The following PADI3 variants were observed in gnomAD, a reference collection of about 807,000 sequenced individuals.
The protein encoded by PADI3 is peptidyl arginine deiminase 3.
Under a neutral mutation model 71.5 loss-of-function variants are expected in PADI3, and 53 were observed. That is an observed-to-expected ratio of 0.74 (90% CI 0.59 to 0.93). The LOEUF (loss-of-function observed/expected upper bound fraction) is 0.93, where lower values mean the gene tolerates loss of function less well. Ranked by LOEUF, PADI3 falls within the 40% of genes least tolerant of loss-of-function variation. The pLI is 0.00. For synonymous variants in PADI3, 361 were observed against 347.5 expected (o/e 1.04, Z -0.43); for missense variants, 821 against 868.0 (o/e 0.95, Z 0.68).
chr1:17,271,059 G>C lies in PADI3; in HGVS notation c.936-8G>C. ...TCCTGAGCCCCTCTTCCCTGGGCTT[G>C]TCCGTAGTGTGAGGAACAACACGTG... On this transcript the variant is annotated splice_polypyrimidine_tract_variant and splice_region_variant and intron_variant, in intron 8 of 15. Transcript: ENST00000375460. 2 of 1,614,072 alleles carry C rather than the reference G, an allele frequency of 1.2e-6. No homozygotes were observed. The highest frequency in any genetic ancestry group is 1.7e-4 in the Middle Eastern group (1 of 6,060).
rs569475287 is a variant in PADI3, at chr1:17,274,652, C to T, written c.1173C>T (p.Tyr391=). ...YKRILGPDFG[Y]VTREPRDRSV... ...CTCTCCAGGGTCCAGATTTTGGTTA[C>T]GTGACTCGGGAACCACGCGACAGGT... Residue 391 remains tyrosine (Y), a synonymous_variant, in exon 11 of 16, where the codon TAC becomes TAT. Transcript: ENST00000375460. 6.2e-6 allele frequency: 10 copies of T among 1,612,030 alleles called. No homozygotes were observed. The African/African-American group carries it at 6.7e-5, about 11-fold the overall frequency.
chr1:17,258,399 G>A (rs1362121086), intron 1 of PADI3, among the ~76,000 whole-genome samples: 1 of 152,242 alleles, frequency 6.6e-6, no homozygotes, highest in African/African-American at 2.4e-5. Flanking sequence ...GTGCACAGTG[G>A]GCACCCCACA....
chr1:17,278,289 A>G (rs2073359752), intron 13 of PADI3, among the ~76,000 whole-genome samples: 1 of 152,170 alleles, frequency 6.6e-6, no homozygotes, highest in Admixed American at 6.5e-5. Context: ...GTGCAGTGAC[A>G]TGATCTCAGC....
At chr1:17,278,589 A>T (rs1463542574) in intron 13 of PADI3, among the ~76,000 whole-genome samples, 1 of 151,690 alleles carries the variant, frequency 6.6e-6, no homozygotes, top group Non-Finnish European at 1.5e-5. Flanking sequence ...AGAGAGAGAG[A>T]GCTGGCTGGA....
intron 3 of PADI3, among the ~76,000 whole-genome samples, chr1:17,264,962 T>C (rs532712415): frequency 6.6e-6 from 1 of 150,520 alleles, no homozygotes; most frequent in South Asian, 2.1e-4. Context: ...TGAGCCATGA[T>C]CATGCCACTG....
At chr1:17,266,438 G>C (rs2073169482) in intron 4 of PADI3, among the ~76,000 whole-genome samples, 1 of 152,220 alleles carries the variant, frequency 6.6e-6, no homozygotes, top group African/African-American at 2.4e-5. Flanking sequence ...AATGAGCACA[G>C]AGTGAGGCGT....
Position 17,271,168 on chromosome 1 carries a change from G to T in PADI3, c.1037G>T (p.Arg346Leu). Residue 346 changes from arginine (R) to leucine (L), a missense_variant, in exon 9 of 16, where the codon CGC becomes CTC. Coordinates refer to ENST00000375460, the MANE Select transcript of PADI3 (RefSeq NM_016233.2). ...ICPQAENRND[R>L]WIQDEMELGY... ...CCACAGGCCGAGAACCGCAACGACC[G>T]CTGGATCCAGGTAACCACAGCCACT... is the stretch of plus-strand genomic sequence containing the variant. 3.7e-6 allele frequency: 6 copies of T among 1,612,616 alleles called. No individual in the cohort carries two copies. The highest frequency in any genetic ancestry group is 5.1e-6 in the Non-Finnish European group (6 of 1,179,800).
At chr1:17,266,891 CCA>C in intron 5 of PADI3, 55 bp downstream of exon 5, 2 of 1,354,510 alleles carry the variant, frequency 1.5e-6, no homozygotes, top group Non-Finnish European at 2.1e-6. Flanking sequence ...CTCAGTTACC[CCA>C]TGGGAGTTCC....
At chr1:17,271,716 C>T (rs1320830019) in intron 9 of PADI3, among the ~76,000 whole-genome samples, 2 of 151,274 alleles carry the variant, frequency 1.3e-5, no homozygotes, top group Non-Finnish European at 2.9e-5. Context: ...GGCATGGTGG[C>T]GTGTGTCTGT....
intron 9 of PADI3, among the ~76,000 whole-genome samples, chr1:17,271,854 A>AGAG (rs1477106387): frequency 3.0e-5 from 4 of 132,362 alleles, no homozygotes; most frequent in African/African-American, 1.2e-4. Context: ...AAAAAAAAAA[A>AGAG]AGAGAGAGAG....
chr1:17,276,619 C>G lies in PADI3; in HGVS notation c.1408C>G (p.His470Asp). The change falls in exon 12 of 16, where the codon CAT (histidine) becomes GAT (aspartate). Residue 470 changes from histidine to aspartate, a missense_variant. Transcript: ENST00000375460. ...ELFVDWLAVG[H>D]VDEFLSFVPA... ...CTTTGTGGACTGGTTGGCCGTGGGC[C>G]ATGTGGATGAGTTTCTGAGCTTTGT... The G allele has an allele frequency of 3.1e-6, 5 of 1,614,178 alleles. No individual in the cohort carries two copies. Among genetic ancestry groups the G allele is most frequent in the African/African-American group, 1.3e-5 (1 of 75,040 alleles).
intron 15 of PADI3, among the ~76,000 whole-genome samples, chr1:17,281,239 G>A (rs560915031): frequency 7.2e-5 from 11 of 152,174 alleles, no homozygotes; most frequent in Admixed American, 2.0e-4. Flanking sequence ...CAGTCTAATC[G>A]GTTGAGAGGG....
At chr1:17,255,048 T>A (rs981139296) in intron 1 of PADI3, among the ~76,000 whole-genome samples, 21 of 152,280 alleles carry the variant, frequency 1.4e-4, no homozygotes, top group Admixed American at 1.2e-3. Flanking sequence ...GACAACCTAC[T>A]CTAAGCCGTG....
intron 1 of PADI3, among the ~76,000 whole-genome samples, chr1:17,255,603 G>A (rs2073018377): frequency 6.6e-6 from 1 of 152,184 alleles, no homozygotes; most frequent in Non-Finnish European, 1.5e-5. Flanking sequence ...CGTACCTGAT[G>A]CAGGTTCTCC....
At chr1:17,260,872 G>A (rs1316431411) in intron 2 of PADI3, among the ~76,000 whole-genome samples, 1 of 152,174 alleles carries the variant, frequency 6.6e-6, no homozygotes, top group Non-Finnish European at 1.5e-5. Context: ...GGTTGAAGTG[G>A]CGATGGTGTG....
chr1:17,270,546 G>A (rs993731214), intron 7 of PADI3, 135 bp downstream of exon 7: 1 of 872,732 alleles, frequency 1.1e-6, no homozygotes, highest in East Asian at 2.7e-5. Flanking sequence ...TACTTGGGAG[G>A]CTGAGGTGGG....
chr1:17,249,592 C>T (rs1490167516), intron 1 of PADI3, among the ~76,000 whole-genome samples: 1 of 152,128 alleles, frequency 6.6e-6, no homozygotes, highest in Non-Finnish European at 1.5e-5. Flanking sequence ...GGCAGATATC[C>T]CCAGCCCCAT....
At chr1:17,252,218 C>T (rs114010565) in intron 1 of PADI3, among the ~76,000 whole-genome samples, 5,693 of 152,080 alleles carry the variant, frequency 0.037, 132 homozygotes, top group Non-Finnish European at 0.055. Flanking sequence ...GCAGGCTCAG[C>T]GGGATGGTGG....
At chr1:17,280,491 G>T in intron 14 of PADI3, 62 bp downstream of exon 14, 1 of 1,514,032 alleles carries the variant, frequency 6.6e-7, no homozygotes, top group Non-Finnish European at 9.2e-7. Context: ...TGGAGGCAAG[G>T]ATGGGATACA....
Sources: allele counts gnomAD v4.1 joint callset (sites outside exome capture counted in the v4.1 genomes callset), GRCh38; gene constraint gnomAD v4.1.1; transcripts MANE v1.5; gene names NCBI Gene and HGNC (gene_info 2026-07-23, HGNC 2026-07-21).